Variants in ITPA observed in about 807,000 individuals in gnomAD.
ITPA encodes inosine triphosphate pyrophosphatase.
ITPA carries 29 observed loss-of-function variants against 29.6 expected under a neutral mutation model. That is an observed-to-expected ratio of 0.98 (90% CI 0.73 to 1.34). ITPA has a LOEUF of 1.34. Among genes scored for constraint, ITPA ranks in the 40% most tolerant of loss-of-function variants. The pLI, the probability that ITPA is intolerant of heterozygous loss-of-function variation, is 0.00. For missense variants in ITPA, 241 were observed against 251.5 expected (o/e 0.96, Z 0.28); for synonymous variants, 103 against 99.3 (o/e 1.04, Z -0.22).
chr20:3,222,220 AC>A (rs1302915004), intron 7 of ITPA, among the ~76,000 whole-genome samples: 54 of 142,268 alleles, frequency 3.8e-4, no homozygotes, highest in African/African-American at 1.4e-3. Flanking sequence ...TGTACATCTG[AC>A]TTTTTTTTTT....
downstream of ITPA, among the ~76,000 whole-genome samples, chr20:3,225,022 T>C (rs143088872): frequency 6.6e-6 from 1 of 152,126 alleles, no homozygotes; most frequent in African/African-American, 2.4e-5. Flanking sequence ...CTGTGCAACA[T>C]GGCAAAACCT....
chr20:3,213,152 C>T lies in ITPA; in HGVS notation c.67-17C>T, dbSNP rs2067211480. On this transcript the variant is annotated splice_polypyrimidine_tract_variant and intron_variant, in intron 1 of 7. Transcript: ENST00000380113. ...ATCACTAGATGGTGATAAGTGTTCT[C>T]TTTTCTCTTGGAACAGGTCGTTCAG... 6.2e-7 allele frequency: 1 copy of T among 1,612,818 alleles called. No individual in the cohort carries two copies. The highest frequency in any genetic ancestry group is 1.1e-5 in the South Asian group (1 of 91,052).
At chr20:3,215,613 G>A (rs145474771) in intron 5 of ITPA, among the ~76,000 whole-genome samples, 475 of 152,338 alleles carry the variant, frequency 3.1e-3, no homozygotes, top group Middle Eastern at 6.8e-3. Context: ...GGGAGTTGGA[G>A]GACTGCCCCT....
downstream of ITPA, among the ~76,000 whole-genome samples, chr20:3,224,789 A>G (rs956630914): frequency 5.9e-5 from 9 of 152,180 alleles, no homozygotes; most frequent in Non-Finnish European, 1.3e-4. Flanking sequence ...TGGGGTGGGT[A>G]CATAGGCTTG....
intron 4 of ITPA, 76 bp downstream of exon 4, chr20:3,214,134 A>C (rs1359886199): frequency 8.3e-7 from 1 of 1,210,924 alleles, no homozygotes; most frequent in African/African-American, 1.5e-5. Context: ...GAGGTACCTG[A>C]TACTGCAGGT....
rs373929423 is a variant in ITPA at position 3,220,267 on chromosome 20, A to G, written c.412-1574A>G. On this transcript the variant is annotated intron_variant, in intron 6 of 7. Coordinates refer to ENST00000380113, the MANE Select transcript of ITPA (RefSeq NM_033453.4). ...GAGACAGGGTTTCACTATGTTGCCC[A>G]GGCTGGTCTTGAACTCCCGACCTTA... 1.6e-3 allele frequency among the ~76,000 whole-genome samples: 240 copies of G among 152,162 alleles called. 1 individual carries two copies. The highest frequency in any genetic ancestry group is 5.6e-3 in the African/African-American group (234 of 41,524).
upstream of ITPA, among the ~76,000 whole-genome samples, chr20:3,205,064 C>A (rs2067061276): frequency 6.6e-6 from 1 of 151,954 alleles, no homozygotes; most frequent in South Asian, 2.1e-4. Flanking sequence ...GTTGGCCAGG[C>A]TGGTCTCGAA....
chr20:3,215,568 T>C (rs985286996), intron 5 of ITPA, among the ~76,000 whole-genome samples: 1 of 152,198 alleles, frequency 6.6e-6, no homozygotes, highest in Non-Finnish European at 1.5e-5. Context: ...AAGAGGAACT[T>C]GGCCCTTGTG....
At chr20:3,210,404 T>A (rs971463110) in intron 1 of ITPA, among the ~76,000 whole-genome samples, 1 of 152,222 alleles carries the variant, frequency 6.6e-6, no homozygotes, top group African/African-American at 2.4e-5. Flanking sequence ...CTACCAGATA[T>A]CAGCTCCGAC....
chr20:3,214,363 C>CT (rs57982806), intron 4 of ITPA, among the ~76,000 whole-genome samples: 13,619 of 112,882 alleles, frequency 0.12, 1,029 homozygotes, highest in Non-Finnish European at 0.18. Context: ...TTCTTCCTTT[C>CT]TTTTTTTTTT....
At chr20:3,210,305 C>T (rs2067142502) in intron 1 of ITPA, among the ~76,000 whole-genome samples, 1 of 152,216 alleles carries the variant, frequency 6.6e-6, no homozygotes, top group African/African-American at 2.4e-5. Context: ...AAGAAGCTGA[C>T]TTGTCCTTGT....
At chr20:3,209,285 C>T (rs978804868), upstream of ITPA, 9 of 545,090 alleles carry the variant, frequency 1.7e-5, no homozygotes, top group African/African-American at 1.7e-4. The surrounding 1 kb of genome is among the most constrained non-coding windows in gnomAD (Gnocchi z 4.6). Context: ...GGAGTGGTCT[C>T]TTCCGGTTCT....
At position 3,209,831 on chromosome 20, in the gene ITPA, G is replaced by A. The variant is rs1298661646; in HGVS notation, c.66+214G>A. ...CGCCCCGGGGTTGGCGAGGGAACGA[G>A]GGTCTCGACAGATCCCGACACAGGG... On this transcript the variant is annotated intron_variant, in intron 1 of 7. Coordinates refer to ENST00000380113, the MANE Select transcript of ITPA (RefSeq NM_033453.4). The surrounding 1 kb of genome is among the most constrained non-coding windows in gnomAD (Gnocchi z 4.6). Among the ~76,000 whole-genome samples the A allele has an allele frequency of 6.6e-6, 1 of 152,158 alleles. No individual in the cohort carries two copies. The highest frequency in any genetic ancestry group is 1.5e-5 in the Non-Finnish European group (1 of 68,012).
chr20:3,218,631 C>A lies in ITPA; in HGVS notation c.410C>A (p.Ser137Ter), dbSNP rs370326110. 6.8e-6 allele frequency: 11 copies of A among 1,607,466 alleles called. No homozygotes were observed. Among genetic ancestry groups the A allele is most frequent in the Non-Finnish European group, 9.4e-6 (11 of 1,174,554 alleles). Residue 137 changes from serine to a stop codon, truncating the protein, a stop_gained and splice_region_variant, in exon 6 of 8, where the codon TCG becomes TAG. Transcript: ENST00000380113. LOFTEE classifies it high-confidence loss of function. Reference sequence around the variant, plus strand: ...GTGCGCCTGTTCAGGGGCCGGACCTCGGTGCGTACCCACCTTGATGCAGTT... The same window carrying A: ...GTGCGCCTGTTCAGGGGCCGGACCTAGGTGCGTACCCACCTTGATGCAGTT... ...QPVRLFRGRT[S>*]GRIVAPRGCQ...
At chr20:3,219,550 G>C (rs547667484) in intron 6 of ITPA, among the ~76,000 whole-genome samples, 1 of 151,938 alleles carries the variant, frequency 6.6e-6, no homozygotes, top group African/African-American at 2.4e-5. Context: ...TTCAAGAACA[G>C]CCTGGATAAC....
At chr20:3,214,816 T>G (rs1196012559) in intron 4 of ITPA, among the ~76,000 whole-genome samples, 2 of 152,116 alleles carry the variant, frequency 1.3e-5, no homozygotes, top group Non-Finnish European at 2.9e-5. Flanking sequence ...CCTGACCTCG[T>G]GATCTGCCCT....
At position 3,216,629 on chromosome 20, in the gene ITPA, A is replaced by AT. The variant is rs1357424586; in HGVS notation, c.295+1323dup. ...CCACCATGACCAGCTAATTTTTTGT[A>AT]TTTTTTGTAGAGGGGTTTCACTATA... On this transcript the variant is annotated intron_variant, in intron 5 of 7. Coordinates refer to ENST00000380113, the MANE Select transcript of ITPA (RefSeq NM_033453.4). Among the ~76,000 whole-genome samples, 6 of 147,862 alleles carry AT rather than the reference A, an allele frequency of 4.1e-5. No individual in the cohort carries two copies. The East Asian group carries it at 6.1e-4, about 15-fold the overall frequency.
Position 3,223,709 on chromosome 20 carries a change from C to G in ITPA, c.*247C>G, listed in dbSNP as rs2067526674. ...TCCTACAGCCGCCAGGCCTGGGGTCCTGAAAGGACCTTGGGTGGTAAAGCT... is the reference window on the plus strand; with the variant it reads ...TCCTACAGCCGCCAGGCCTGGGGTCGTGAAAGGACCTTGGGTGGTAAAGCT... On this transcript the variant is annotated 3_prime_UTR_variant, in exon 8 of 8. Coordinates refer to ENST00000380113, the MANE Select transcript of ITPA (RefSeq NM_033453.4). The G allele has an allele frequency of 1.8e-6, 1 of 567,214 alleles. No individual in the cohort carries two copies. The highest frequency in any genetic ancestry group is 2.0e-5 in the South Asian group (1 of 49,460). The allele number at this position is 567,214 out of a possible 1,614,324, so 35.1% of individuals were successfully genotyped here.
At chr20:3,205,735 C>A (rs1229716475), upstream of ITPA, among the ~76,000 whole-genome samples, 1 of 151,970 alleles carries the variant, frequency 6.6e-6, no homozygotes, top group Non-Finnish European at 1.5e-5. Flanking sequence ...AATTCAGGAC[C>A]AATGAACAAT....
Sources: gnomAD v4.1 joint callset for allele counts (sites outside exome capture counted in the v4.1 genomes callset) on GRCh38, gnomAD v4.1.1 for gene constraint, Gnocchi (gnomAD v3.1) non-coding constraint, MANE v1.5 for transcripts, NCBI Gene and HGNC (gene_info 2026-07-23, HGNC 2026-07-21) for gene names.